Variants in IFT88 observed in about 807,000 individuals in gnomAD.
The protein encoded by IFT88 is intraflagellar transport protein 88 homolog.
A neutral mutation model predicts 119.5 loss-of-function variants in IFT88; 74 were observed. The observed-to-expected ratio is 0.62, with a 90% CI of 0.51 to 0.75. The LOEUF is 0.75. IFT88 is among the 30% of genes least tolerant of loss of function. The probability of loss-of-function intolerance (pLI) is 0.00; values close to 1 mark genes in which losing one functional copy is unlikely to be tolerated. For synonymous variants in IFT88, 279 were observed against 316.7 expected, an observed-to-expected ratio of 0.88 and a Z score of 1.26; for missense variants, 961 against 977.7, an observed-to-expected ratio of 0.98 and a Z score of 0.23.
At chr13:20,682,439 G>GAGAAAAGTA (rs2057430295) in intron 24 of IFT88, among the ~76,000 whole-genome samples, 1 of 152,228 alleles carries the variant, frequency 6.6e-6, no homozygotes, top group Non-Finnish European at 1.5e-5. Flanking sequence ...ATAGAAAATA[G>GAGAAAAGTA]ATTACTCATG....
chr13:20,572,566 T>C (rs181778764), intron 1 of IFT88, among the ~76,000 whole-genome samples: 1 of 152,332 alleles, frequency 6.6e-6, no homozygotes, highest in African/African-American at 2.4e-5. Flanking sequence ...AGCTATTACA[T>C]GTTCCCTGAA....
intron 13 of IFT88, chr13:20,612,137 A>G (rs923955695): frequency 5.3e-5 from 8 of 152,222 alleles, no homozygotes; most frequent in Non-Finnish European, 8.8e-5. Context: ...ACAAAAATCA[A>G]TAGTGTAGTG....
chr13:20,592,348 C>A lies in IFT88; in HGVS notation c.342C>A (p.Asp114Glu), dbSNP rs987900141. 3 of 1,609,524 alleles carry A rather than the reference C, an allele frequency of 1.9e-6. No individual in the cohort carries two copies. The highest frequency in any genetic ancestry group is 2.5e-6 in the Non-Finnish European group (3 of 1,178,150). ...ATTGTGTCTCAGGCTCTGCATTTGA[C>A]CCCCTTAGTCAGTCAAGGGGCCCTG... ...TKAALRGSAF[D>E]PLSQSRGPAS... is the part of the protein sequence containing the mutation. Residue 114 changes from aspartate to glutamate, a missense_variant, in exon 7 of 26, where the codon GAC becomes GAA. Coordinates refer to ENST00000351808, the MANE Select transcript of IFT88 (RefSeq NM_006531.5).
chr13:20,583,774 A>G (rs547996466), intron 3 of IFT88, among the ~76,000 whole-genome samples: 4 of 152,190 alleles, frequency 2.6e-5, no homozygotes, highest in Admixed American at 2.6e-4. Flanking sequence ...TTACCTTTAG[A>G]TGTTTAATCC....
chr13:20,589,630 T>A (rs541551200), intron 3 of IFT88, among the ~76,000 whole-genome samples, 181 bp from the exon 4 acceptor site: 1 of 152,260 alleles, frequency 6.6e-6, no homozygotes, highest in East Asian at 1.9e-4. Context: ...AGAATGAGTC[T>A]CCTTCTCACA....
At chr13:20,569,732 T>C (rs2137757422) in intron 1 of IFT88, among the ~76,000 whole-genome samples, 1 of 149,456 alleles carries the variant, frequency 6.7e-6, no homozygotes, top group South Asian at 2.1e-4. Flanking sequence ...ATAACCTGAT[T>C]TTTGGGAATG....
chr13:20,602,922 T>C (rs996289552), intron 12 of IFT88, among the ~76,000 whole-genome samples: 5 of 151,784 alleles, frequency 3.3e-5, no homozygotes, highest in Non-Finnish European at 7.4e-5. Context: ...TCCTTACTCA[T>C]AGAGTGGAAC....
chr13:20,653,957 A>G (rs778119169), intron 21 of IFT88, 29 bp downstream of exon 21: 1 of 1,437,758 alleles, frequency 7.0e-7, no homozygotes, highest in South Asian at 1.3e-5. Context: ...TTCATTTTAT[A>G]GATATTTTGC....
At chr13:20,682,896 G>A (rs1009420462) in intron 24 of IFT88, among the ~76,000 whole-genome samples, 6 of 152,158 alleles carry the variant, frequency 3.9e-5, no homozygotes, top group South Asian at 2.1e-4. Context: ...AATGCAAACC[G>A]TTCACAGTCT....
rs191402170 is a variant in IFT88, at chr13:20,669,531, C to G, written c.2176-1442C>G. 7.9e-5 allele frequency among the ~76,000 whole-genome samples: 12 copies of G among 151,224 alleles called. No individual in the cohort carries two copies. The East Asian group carries it at 2.3e-3, about 30-fold the overall frequency. ...CCCCACCTCCCAGGTTCAAGCGATT[C>G]TTCTGCCTCAGCCTCCAGAGTAGCT... is the stretch of plus-strand genomic sequence containing the variant. On this transcript the variant is annotated intron_variant, in intron 23 of 25. Transcript: ENST00000351808.
intron 24 of IFT88, among the ~76,000 whole-genome samples, chr13:20,673,621 G>A (rs1404212896): frequency 6.6e-6 from 1 of 152,196 alleles, no homozygotes; most frequent in Non-Finnish European, 1.5e-5. Flanking sequence ...CCTCCTCCAC[G>A]GTCAGGGAAG....
At chr13:20,590,390 A>G (rs1263202916) in intron 4 of IFT88, among the ~76,000 whole-genome samples, 3 of 152,284 alleles carry the variant, frequency 2.0e-5, no homozygotes, top group Admixed American at 2.0e-4. Flanking sequence ...ATGAAATAAC[A>G]GGAATGAGAA....
chr13:20,623,700 C>T (rs577576524), intron 14 of IFT88, among the ~76,000 whole-genome samples: 143 of 152,300 alleles, frequency 9.4e-4, no homozygotes, highest in African/African-American at 2.9e-3. Context: ...TGGTCTCAAT[C>T]TCCTGACCTC....
rs778294809 is a variant in IFT88, at chr13:20,691,130, T to A, written c.2430T>A (p.Asp810Glu). 1 of 1,613,940 alleles carries A rather than the reference T, an allele frequency of 6.2e-7. No individual in the cohort carries two copies. Among genetic ancestry groups the A allele is most frequent in the South Asian group, 1.1e-5 (1 of 91,028 alleles). ...CAGCCAAGAAAAGGATCGATGAGGA[T>A]GATTTTGCTGATGAAGAATTAGGAG... is the stretch of plus-strand genomic sequence containing the variant. ...KTAAKKRIDE[D>E]DFADEELGDD... The change falls in exon 26 of 26, where the codon GAT (aspartate) becomes GAA (glutamate). Residue 810 changes from aspartate (D) to glutamate (E), a missense_variant. Asp to Glu is a conservative substitution (Grantham distance 45). Transcript: ENST00000351808.
At chr13:20,639,786 C>CTTTTTTTTTT (rs34190452) in intron 17 of IFT88, among the ~76,000 whole-genome samples, 1 of 109,486 alleles carries the variant, frequency 9.1e-6, no homozygotes, top group African/African-American at 3.4e-5. Context: ...TAAAATTTGT[C>CTTTTTTTTTT]TTTTTTTTTT....
At chr13:20,625,873 A>G in intron 15 of IFT88, 24 bp downstream of exon 15, 4 of 1,261,396 alleles carry the variant, frequency 3.2e-6, no homozygotes, top group South Asian at 1.3e-5. Flanking sequence ...AAAATTTTAG[A>G]TGGAATTCCA....
intron 24 of IFT88, among the ~76,000 whole-genome samples, chr13:20,675,838 A>G (rs936526716): frequency 6.6e-5 from 10 of 152,244 alleles, no homozygotes; most frequent in African/African-American, 2.4e-4. Context: ...TGTACAAATC[A>G]TTAGCTTGCT....
chr13:20,606,392 A>G (rs1354910802), intron 13 of IFT88, among the ~76,000 whole-genome samples: 1 of 152,146 alleles, frequency 6.6e-6, no homozygotes, highest in African/African-American at 2.4e-5. Context: ...ACCCTGCCCA[A>G]TAGATACAAG....
intron 24 of IFT88, among the ~76,000 whole-genome samples, chr13:20,672,004 C>T (rs2055956301): frequency 6.6e-6 from 1 of 152,150 alleles, no homozygotes; most frequent in Non-Finnish European, 1.5e-5. Context: ...ACAAATAAGA[C>T]GTGGTCCCCA....
Sources: gnomAD v4.1 joint callset for allele counts (sites outside exome capture counted in the v4.1 genomes callset) on GRCh38, gnomAD v4.1.1 for gene constraint, MANE v1.5 for transcripts, NCBI Gene and HGNC (gene_info 2026-07-23, HGNC 2026-07-21) for gene names.